Variants in RIC1 observed in about 807,000 individuals in gnomAD.
RIC1 encodes guanine nucleotide exchange factor subunit RIC1.
A neutral mutation model predicts 169.0 loss-of-function variants in RIC1; 88 were observed. The observed-to-expected ratio is 0.52, with a 90% CI of 0.44 to 0.62. RIC1 has a LOEUF of 0.62. RIC1 is among the 20% of genes least tolerant of loss of function. The pLI is 0.00. For missense variants in RIC1, 1,877 were observed against 1,725.5 expected, an observed-to-expected ratio of 1.09 and a Z score of -1.56; for synonymous variants, 790 against 601.5, an observed-to-expected ratio of 1.31 and a Z score of -4.59.
At chr9:5,677,845 T>C (rs1022366067) in intron 2 of RIC1, among the ~76,000 whole-genome samples, 1 of 152,160 alleles carries the variant, frequency 6.6e-6, no homozygotes, top group Admixed American at 6.5e-5. Context: ...TTACTCTTTT[T>C]TTTTAAATTT....
At chr9:5,688,815 G>C (rs1310270359) in intron 2 of RIC1, among the ~76,000 whole-genome samples, 1 of 152,066 alleles carries the variant, frequency 6.6e-6, no homozygotes, top group Non-Finnish European at 1.5e-5. Flanking sequence ...TTGAGTACAT[G>C]CCCACCTCCC....
At chr9:5,769,637 C>T (rs1827060755) in intron 22 of RIC1, 3 of 376,176 alleles carry the variant, frequency 8.0e-6, no homozygotes, top group Middle Eastern at 7.9e-4. Context: ...GTAAGGCCAC[C>T]TTCTAAACTA....
At chr9:5,682,054 C>G (rs575561183) in intron 2 of RIC1, among the ~76,000 whole-genome samples, 2 of 152,270 alleles carry the variant, frequency 1.3e-5, no homozygotes, top group South Asian at 4.1e-4. Flanking sequence ...ATGTGTGTCT[C>G]TGCACCTGAG....
intron 1 of RIC1, among the ~76,000 whole-genome samples, chr9:5,647,323 T>A (rs1052565963): frequency 2.0e-5 from 3 of 152,220 alleles, no homozygotes; most frequent in Non-Finnish European, 4.4e-5. Flanking sequence ...AATTTTAGGA[T>A]GGATTTTTCT....
chr9:5,738,218 AT>A (rs1177458014), intron 7 of RIC1, among the ~76,000 whole-genome samples: 3 of 152,194 alleles, frequency 2.0e-5, no homozygotes, highest in African/African-American at 7.2e-5. Context: ...TACAATGGAC[AT>A]TGTACATATC....
At chr9:5,759,200 A>G (rs1417162998) in intron 17 of RIC1, among the ~76,000 whole-genome samples, 1 of 152,226 alleles carries the variant, frequency 6.6e-6, no homozygotes, top group Non-Finnish European at 1.5e-5. Context: ...AAAAGTGACA[A>G]TTTAAAAATC....
chr9:5,677,844 T>G (rs966599621), intron 2 of RIC1, among the ~76,000 whole-genome samples: 1 of 152,136 alleles, frequency 6.6e-6, no homozygotes, highest in Admixed American at 6.5e-5. Context: ...TTTACTCTTT[T>G]TTTTTAAATT....
intron 2 of RIC1, among the ~76,000 whole-genome samples, chr9:5,676,308 T>G (rs1294183684): frequency 6.6e-6 from 1 of 152,218 alleles, no homozygotes; most frequent in Non-Finnish European, 1.5e-5. Context: ...TATTCTATAG[T>G]TTTTTATCCT....
chr9:5,714,804 G>A (rs1020939201), intron 4 of RIC1, among the ~76,000 whole-genome samples: 1 of 152,176 alleles, frequency 6.6e-6, no homozygotes, highest in African/African-American at 2.4e-5. Context: ...CTGGGGATGA[G>A]AACTGAGTAG....
At chr9:5,689,608 A>C (rs1479193248) in intron 2 of RIC1, among the ~76,000 whole-genome samples, 1 of 152,198 alleles carries the variant, frequency 6.6e-6, no homozygotes, top group Non-Finnish European at 1.5e-5. Context: ...TGCTTTATAA[A>C]CTTAGAATAA....
intron 1 of RIC1, among the ~76,000 whole-genome samples, chr9:5,654,693 T>C (rs1015866217): frequency 1.3e-5 from 2 of 151,848 alleles, no homozygotes; most frequent in Admixed American, 6.6e-5. Flanking sequence ...TTTGTATTTT[T>C]AGTAGAGATG....
Position 5,754,836 on chromosome 9 carries a change from T to C in RIC1, c.1603-5T>C. ...GTAAATTTTTTAAAAAATTTTTATT[T>C]TAAGGAGCAAAATATGATCGTGACA... On this transcript the variant is annotated splice_polypyrimidine_tract_variant and splice_region_variant and intron_variant, in intron 14 of 25. Transcript: ENST00000414202. 6.5e-7 allele frequency: 1 copy of C among 1,543,516 alleles called. No homozygotes were observed. The highest frequency in any genetic ancestry group is 8.8e-7 in the Non-Finnish European group (1 of 1,135,156).
At chr9:5,709,520 T>A (rs751411568) in intron 3 of RIC1, among the ~76,000 whole-genome samples, 8 of 152,160 alleles carry the variant, frequency 5.3e-5, no homozygotes, top group Non-Finnish European at 8.8e-5. Flanking sequence ...CTCAAAAGAT[T>A]ACAAATGATT....
At chr9:5,770,330 G>A (rs2131142183) in intron 23 of RIC1, 52 bp downstream of exon 23, 1 of 1,445,012 alleles carries the variant, frequency 6.9e-7, no homozygotes, top group Non-Finnish European at 9.6e-7. Context: ...GAAAATTTAT[G>A]TGCTATAGCA....
chr9:5,747,421 A>G lies in RIC1; in HGVS notation c.1368A>G (p.Arg456=), dbSNP rs1403646250. 5.0e-6 allele frequency: 8 copies of G among 1,614,116 alleles called. No individual in the cohort carries two copies. The highest frequency in any genetic ancestry group is 6.8e-6 in the Non-Finnish European group (8 of 1,179,966). The change falls in exon 12 of 26, where the codon CGA becomes CGG. Residue 456 remains arginine, a synonymous_variant. Transcript: ENST00000414202. ...SSTHSEHKPS[R]EKSPFADGGL... ...CACACTCTGAGCATAAGCCCAGTCG[A>G]GAAAAGAGCCCATTTGCAGATGGAG...
At chr9:5,672,482 A>G (rs755998153) in intron 2 of RIC1, among the ~76,000 whole-genome samples, 8 of 152,236 alleles carry the variant, frequency 5.3e-5, no homozygotes, top group Non-Finnish European at 1.2e-4. Context: ...CCCTTGTGAG[A>G]GCTGAATCTT....
downstream of RIC1, among the ~76,000 whole-genome samples, chr9:5,778,531 G>C (rs1586748275): frequency 6.6e-6 from 1 of 152,086 alleles, no homozygotes; most frequent in East Asian, 1.9e-4. Flanking sequence ...TTATTGATAA[G>C]CTTTATCTGG....
chr9:5,740,954 T>C (rs1278969879), intron 8 of RIC1, among the ~76,000 whole-genome samples: 2 of 152,210 alleles, frequency 1.3e-5, no homozygotes, highest in Admixed American at 6.5e-5. Flanking sequence ...GACCAACTCA[T>C]ACCTTCTTCT....
At chr9:5,727,826 T>G (rs1299480906) in intron 6 of RIC1, among the ~76,000 whole-genome samples, 1 of 152,248 alleles carries the variant, frequency 6.6e-6, no homozygotes, top group East Asian at 1.9e-4. Flanking sequence ...CCTGTTTGCC[T>G]GGGTATCACT....
Sources: gnomAD v4.1 joint callset for allele counts (sites outside exome capture counted in the v4.1 genomes callset) on GRCh38, gnomAD v4.1.1 for gene constraint, MANE v1.5 for transcripts, NCBI Gene and HGNC (gene_info 2026-07-23, HGNC 2026-07-21) for gene names.